ODF2L: variants seen among roughly 807,000 people sequenced by gnomAD.
ODF2L encodes the protein protein BCAP.
A neutral mutation model predicts 86.3 loss-of-function variants in ODF2L; 76 were observed. That is an observed-to-expected ratio of 0.88 (90% CI 0.73 to 1.07). The LOEUF is 1.07. Ranked by LOEUF, ODF2L falls within the 50% of genes least tolerant of loss-of-function variation. The pLI, the probability that ODF2L is intolerant of heterozygous loss-of-function variation, is 0.00. For missense variants in ODF2L, 748 were observed against 717.4 expected, an observed-to-expected ratio of 1.04 and a Z score of -0.49; for synonymous variants, 241 against 231.3, an observed-to-expected ratio of 1.04 and a Z score of -0.38.
chr1:86,370,627 TACCCCTTGG>T (rs1290292332), intron 10 of ODF2L, among the ~76,000 whole-genome samples: 2 of 152,114 alleles, frequency 1.3e-5, no homozygotes, highest in African/African-American at 4.8e-5. Flanking sequence ...GGAAAGCAAT[TACCCCTTGG>T]ATATGAGTAA....
chr1:86,354,272 CAGG>C lies in ODF2L; in HGVS notation c.1767+255_1767+257del, dbSNP rs142679078. ...AATTTGGTTGTATATAAAAAAGGTA[CAGG>C]AGGAGATTATGTCTTCAAAGTGTTT... is the stretch of plus-strand genomic sequence containing the variant. On this transcript the variant is annotated intron_variant, in intron 16 of 17. Coordinates refer to ENST00000317336, the Ensembl canonical transcript of ODF2L. Among the ~76,000 whole-genome samples, 77 of 152,266 alleles carry C rather than the reference CAGG, an allele frequency of 5.1e-4. 1 individual carries two copies. The East Asian group carries it at 0.011, about 21-fold the overall frequency.
chr1:86,386,372 T>TG (rs1660955578), intron 2 of ODF2L: 1 of 151,892 alleles, frequency 6.6e-6, no homozygotes, highest in Non-Finnish European at 1.5e-5. Flanking sequence ...AGGTTTTCAT[T>TG]TTTTTTGTCT....
At position 86,372,415 on chromosome 1, in the gene ODF2L, C is replaced by G. The variant is rs765069798; in HGVS notation, c.920+16G>C. Reference sequence around the variant, plus strand: ...AACTCTTACTAAATAATAAAATATTCTAAATTTTTTCTTACTTTTTCATTG... The same window carrying G: ...AACTCTTACTAAATAATAAAATATTGTAAATTTTTTCTTACTTTTTCATTG... On this transcript the variant is annotated intron_variant, in intron 9 of 17. Coordinates refer to ENST00000317336, the Ensembl canonical transcript of ODF2L. 1 of 1,173,288 alleles carries G rather than the reference C, an allele frequency of 8.5e-7. No individual in the cohort carries two copies. The highest frequency in any genetic ancestry group is 1.2e-6 in the Non-Finnish European group (1 of 867,632). 72.7% of individuals were successfully genotyped at this position (1,173,288 alleles called of 1,614,324 possible).
chr1:86,356,500 A>G, exon 14 of ODF2L: 1 of 1,613,992 alleles, frequency 6.2e-7, no homozygotes, highest in Non-Finnish European at 8.5e-7. Context: ...CCCTTGCAGC[A>G]CTGCAGACTC....
exon 18 of ODF2L, chr1:86,352,127 A>G: frequency 6.8e-7 from 1 of 1,477,670 alleles, no homozygotes; most frequent in Non-Finnish European, 8.9e-7. Context: ...GCCAAAAATC[A>G]TTTAACTCTT....
At chr1:86,381,276 C>T (rs764421035) in intron 7 of ODF2L, among the ~76,000 whole-genome samples, 3 of 152,130 alleles carry the variant, frequency 2.0e-5, no homozygotes, top group Admixed American at 6.6e-5. Context: ...AGATGATTAT[C>T]TAATATGTTC....
chr1:86,356,882 C>G (rs960793358), intron 13 of ODF2L, among the ~76,000 whole-genome samples: 8 of 152,024 alleles, frequency 5.3e-5, no homozygotes, highest in African/African-American at 1.9e-4. Flanking sequence ...TTTTTAAAAT[C>G]CTGACATTAT....
chr1:86,355,062 C>T (rs1403048596), intron 14 of ODF2L: 2 of 545,698 alleles, frequency 3.7e-6, no homozygotes, highest in East Asian at 2.9e-5. Context: ...GTTATGTTGC[C>T]TGTATTGGAA....
At chr1:86,349,760 G>A (rs1298553694), downstream of ODF2L, 2 of 152,254 alleles carry the variant, frequency 1.3e-5, no homozygotes, top group East Asian at 1.9e-4. Flanking sequence ...CAGGCTTCCC[G>A]AGGGGTGCCT....
rs1006047489 is a variant in ODF2L, at chr1:86,382,233, A to T, written c.624+9T>A. The T allele has an allele frequency of 4.4e-6, 7 of 1,590,774 alleles. No homozygotes were observed. Among genetic ancestry groups the T allele is most frequent in the Non-Finnish European group, 6.0e-6 (7 of 1,171,568 alleles). On this transcript the variant is annotated intron_variant, in intron 7 of 17. Transcript: ENST00000317336. The stretch of plus-strand genomic sequence containing the variant: ...AAGCTATAAAAATGGATATATATTT[A>T]TATATAACCTTTACATATTCTTTCA...
At chr1:86,376,398 G>A (rs1660177440) in exon 8 of ODF2L, 1 of 1,591,360 alleles carries the variant, frequency 6.3e-7, no homozygotes, top group Non-Finnish European at 8.5e-7. Flanking sequence ...GGTTCCACTT[G>A]GCTATCTTGG....
intron 6 of ODF2L, 58 bp from the exon 7 acceptor site, chr1:86,382,416 C>A (rs1660652946): frequency 6.3e-7 from 1 of 1,585,722 alleles, no homozygotes; most frequent in Non-Finnish European, 8.5e-7. Flanking sequence ...GTATCCCCAG[C>A]CCAATATCTT....
intron 1 of ODF2L, 182 bp downstream of exon 1, chr1:86,395,851 C>G (rs1001080235): frequency 1.3e-5 from 2 of 152,278 alleles, no homozygotes; most frequent in Non-Finnish European, 2.9e-5. Flanking sequence ...TTTCCCAGGC[C>G]AGGTAGTCAG....
rs750108773 is a variant in ODF2L, at chr1:86,354,861, TA to T, written c.1519-3del. Reference sequence around the variant, plus strand: ...CAGAAGATTGTGATTTCCATCAACCTAAAAGAAAAAAAAAAGTTTTCTTAGT... The same window carrying T: ...CAGAAGATTGTGATTTCCATCAACCTAAAGAAAAAAAAAAGTTTTCTTAGT... On this transcript the variant is annotated splice_polypyrimidine_tract_variant and splice_region_variant and intron_variant, in intron 14 of 17. Transcript: ENST00000317336. 1 of 1,553,562 alleles carries T rather than the reference TA, an allele frequency of 6.4e-7. No homozygotes were observed. Among genetic ancestry groups the T allele is most frequent in the South Asian group, 1.2e-5 (1 of 85,458 alleles).
chr1:86,358,895 A>G lies in ODF2L; in HGVS notation c.1255-4T>C, dbSNP rs1468421194. Reference sequence around the variant, plus strand: ...CTGCTTCTTGCAACTTTTGTACCTGAAAATAAAGTATTAGAGAAACATATT... The same window carrying G: ...CTGCTTCTTGCAACTTTTGTACCTGGAAATAAAGTATTAGAGAAACATATT... On this transcript the variant is annotated splice_region_variant and splice_polypyrimidine_tract_variant and intron_variant, in intron 12 of 17. Coordinates refer to ENST00000317336, the Ensembl canonical transcript of ODF2L. 15 of 1,360,888 alleles carry G rather than the reference A, an allele frequency of 1.1e-5. No homozygotes were observed. The East Asian group carries it at 3.7e-4, about 34-fold the overall frequency. 84.3% of individuals were successfully genotyped at this position (1,360,888 alleles called of 1,614,324 possible).
chr1:86,355,276 C>A, intron 14 of ODF2L: 2 of 1,022,594 alleles, frequency 2.0e-6, no homozygotes, highest in South Asian at 1.5e-5. Flanking sequence ...TCTGTGAAGT[C>A]GAAACTGTAA....
intron 14 of ODF2L, chr1:86,355,894 G>C (rs796396234): frequency 6.3e-6 from 1 of 158,082 alleles, no homozygotes; most frequent in Non-Finnish European, 1.4e-5. Context: ...TCTTTGGACT[G>C]CTCCTTTAAA....
chr1:86,393,726 T>C (rs1661498592), intron 1 of ODF2L, among the ~76,000 whole-genome samples: 1 of 152,214 alleles, frequency 6.6e-6, no homozygotes, highest in Admixed American at 6.5e-5. Context: ...AATCATATAG[T>C]TTAGAATTTA....
intron 1 of ODF2L, among the ~76,000 whole-genome samples, chr1:86,395,510 A>T (rs564880372): frequency 1.3e-5 from 2 of 151,870 alleles, no homozygotes; most frequent in African/African-American, 4.8e-5. Context: ...GGCCTTTAGC[A>T]CTCTCCACGA....
Sources: allele counts gnomAD v4.1 joint callset (sites outside exome capture counted in the v4.1 genomes callset), GRCh38; gene constraint gnomAD v4.1.1; transcripts MANE v1.5; gene names NCBI Gene and HGNC (gene_info 2026-07-23, HGNC 2026-07-21).